Variants in DHCR7 observed in about 807,000 individuals in gnomAD.
DHCR7 encodes 7-DHC reductase.
DHCR7 carries 40 observed loss-of-function variants against 43.3 expected under a neutral mutation model. The observed-to-expected ratio is 0.92, with a 90% CI of 0.72 to 1.20. DHCR7 has a LOEUF of 1.20. DHCR7 is among the 50% of genes most tolerant of loss of function. DHCR7 has a pLI of 0.00. For missense variants in DHCR7, 608 were observed against 644.6 expected (o/e 0.94, Z 0.62); for synonymous variants, 298 against 271.4 (o/e 1.10, Z -0.96).
At position 71,434,454 on chromosome 11, in the gene DHCR7, G is replaced by A. The variant is rs1193526587; in HGVS notation, c.*921C>T. 4.6e-5 allele frequency: 7 copies of A among 151,810 alleles called. No individual in the cohort carries two copies. Among genetic ancestry groups the A allele is most frequent in the Admixed American group, 6.6e-5 (1 of 15,230 alleles). 9.4% of individuals were successfully genotyped at this position (151,810 alleles called of 1,614,324 possible). On this transcript the variant is annotated 3_prime_UTR_variant, in exon 9 of 9. Transcript: ENST00000355527. ...TTTAATATAAAGATGAACTCTACTCGGAGCATAGAGTTTAAAAAGAGTTCT... is the reference window on the plus strand; with the variant it reads ...TTTAATATAAAGATGAACTCTACTCAGAGCATAGAGTTTAAAAAGAGTTCT...
rs1266267194 is a variant in DHCR7 at position 71,438,727 on chromosome 11, G to A, written c.831+152C>T. 6 of 805,494 alleles carry A rather than the reference G, an allele frequency of 7.4e-6. No individual in the cohort carries two copies. The East Asian group carries it at 1.1e-4, about 14-fold the overall frequency. The allele number at this position is 805,494 out of a possible 1,614,324, so 49.9% of individuals were successfully genotyped here. On this transcript the variant is annotated intron_variant, in intron 7 of 8. Coordinates refer to ENST00000355527, the MANE Select transcript of DHCR7 (RefSeq NM_001360.3). ...CCAAGGATGGCTTCCTTCACCAAGT[G>A]CTCGCCGGCTGCTTCCTGGTGACAC...
chr11:71,438,607 T>C, intron 7 of DHCR7: 3 of 536,710 alleles, frequency 5.6e-6, no homozygotes, highest in Non-Finnish European at 1.0e-5. Flanking sequence ...CCCCAGATTC[T>C]ACCCAGGTGT....
chr11:71,429,760 G>T (rs1445810628), downstream of DHCR7, among the ~76,000 whole-genome samples: 2 of 152,156 alleles, frequency 1.3e-5, no homozygotes, highest in Non-Finnish European at 2.9e-5. Context: ...AGCCGTGGAG[G>T]TGTTTAAAGC....
chr11:71,443,327 G>C (rs1949367567), intron 4 of DHCR7, among the ~76,000 whole-genome samples: 1 of 152,192 alleles, frequency 6.6e-6, no homozygotes, highest in African/African-American at 2.4e-5. Flanking sequence ...GGACCCTGGG[G>C]AGAAACAGCT....
rs777617141 is a variant in DHCR7, at chr11:71,438,932, G to A, written c.778C>T (p.Arg260Trp). The change falls in exon 7 of 9, where the codon CGG (arginine) becomes TGG (tryptophan). Residue 260 changes from arginine to tryptophan, a missense_variant. Transcript: ENST00000355527. The part of the protein sequence containing the change: ...LINLSFAAKQ[R>W]ELHSHVTNAM... ...TTGGTCACATGGCTGTGGAGCTCCC[G>A]CTGCTTCGCTGCGAAGGACAGGTTG... is the stretch of plus-strand genomic sequence containing the variant. 12 of 1,613,992 alleles carry A rather than the reference G, an allele frequency of 7.4e-6. No individual in the cohort carries two copies. The highest frequency in any genetic ancestry group is 5.0e-5 in the Admixed American group (3 of 60,036).
At position 71,442,355 on chromosome 11, in the gene DHCR7, T is replaced by C. The variant is rs1555146618; in HGVS notation, c.322-2A>G. The C allele has an allele frequency of 6.2e-7, 1 of 1,612,894 alleles. No individual in the cohort carries two copies. Among genetic ancestry groups the C allele is most frequent in the South Asian group, 1.1e-5 (1 of 90,870 alleles). On this transcript the variant is annotated splice_acceptor_variant, in intron 4 of 8. Coordinates refer to ENST00000355527, the MANE Select transcript of DHCR7 (RefSeq NM_001360.3). LOFTEE classifies it high-confidence loss of function. ...AGGGAGAGACGTGTACAGAAGCACCTGAAACACACAAGCAGCCTGATCACC... is the reference window on the plus strand; with the variant it reads ...AGGGAGAGACGTGTACAGAAGCACCCGAAACACACAAGCAGCCTGATCACC...
chr11:71,433,768 C>T (rs532771516), downstream of DHCR7, among the ~76,000 whole-genome samples: 8 of 152,320 alleles, frequency 5.3e-5, no homozygotes, highest in African/African-American at 4.8e-5. Flanking sequence ...GGGTCCACTC[C>T]GCTCAGAGCC....
At chr11:71,447,360 G>A (rs1362084848) in intron 2 of DHCR7, among the ~76,000 whole-genome samples, 1 of 152,246 alleles carries the variant, frequency 6.6e-6, no homozygotes, top group Non-Finnish European at 1.5e-5. Flanking sequence ...GCTTATTACA[G>A]AGTTCATTCA....
intron 6 of DHCR7, among the ~76,000 whole-genome samples, chr11:71,439,599 T>G (rs1186420599): frequency 6.6e-6 from 1 of 152,190 alleles, no homozygotes; most frequent in Non-Finnish European, 1.5e-5. Context: ...TTCCAGCATG[T>G]GCAGGACAAG....
chr11:71,437,823 A>G lies in DHCR7; in HGVS notation c.952T>C (p.Tyr318His), dbSNP rs1177326550. The G allele has an allele frequency of 6.2e-7, 1 of 1,613,922 alleles. No individual in the cohort carries two copies. The highest frequency in any genetic ancestry group is 8.5e-7 in the Non-Finnish European group (1 of 1,180,006). Residue 318 changes from tyrosine to histidine, a missense_variant, in exon 8 of 9, where the codon TAC becomes CAC. By Grantham distance (83) the Tyr-to-His change is moderately conservative. Coordinates refer to ENST00000355527, the MANE Select transcript of DHCR7 (RefSeq NM_001360.3). ...GCCCACCTCCTCACCTGCAGCGTGT[A>G]AAGATAAGGCAGCCAGACACAGTCG... ...WGDCVWLPYL[Y>H]TLQGLYLVYH... is the part of the protein sequence containing the mutation.
intron 7 of DHCR7, among the ~76,000 whole-genome samples, chr11:71,438,177 T>C (rs1949309193): frequency 6.6e-6 from 1 of 152,050 alleles, no homozygotes; most frequent in African/African-American, 2.4e-5. Flanking sequence ...CCCTGGCATC[T>C]CTCCCAGCCC....
At chr11:71,427,434 GA>G (rs35693668), downstream of DHCR7, among the ~76,000 whole-genome samples, 1 of 152,096 alleles carries the variant, frequency 6.6e-6, no homozygotes, top group Admixed American at 6.5e-5. Flanking sequence ...AAATGTTATT[GA>G]AAAATTGATA....
chr11:71,428,675 A>G (rs1949212742), exon 3 of DHCR7: 1 of 363,208 alleles, frequency 2.8e-6, no homozygotes, highest in Non-Finnish European at 5.4e-6. Flanking sequence ...TCCAAGGTAC[A>G]GAGGGCCGTG....
At position 71,439,683 on chromosome 11, in the gene DHCR7, C is replaced by A. The variant is rs537392720; in HGVS notation, c.627-600G>T. On this transcript the variant is annotated intron_variant, in intron 6 of 8. Coordinates refer to ENST00000355527, the MANE Select transcript of DHCR7 (RefSeq NM_001360.3). ...TCAGCCGAGATAACCCCTGTGGAGA[C>A]CCTGACTAGGTCTAGCTGGCTGAGG... Among the ~76,000 whole-genome samples the A allele has an allele frequency of 1.2e-4, 19 of 152,318 alleles. No individual in the cohort carries two copies. In the South Asian group the frequency reaches 2.5e-3, roughly 20 times the overall value.
At chr11:71,442,948 G>C (rs1040766430) in intron 4 of DHCR7, among the ~76,000 whole-genome samples, 1 of 152,148 alleles carries the variant, frequency 6.6e-6, no homozygotes, top group Non-Finnish European at 1.5e-5. Flanking sequence ...TCCAATCTCC[G>C]GTCACTCTGA....
chr11:71,441,283 G>C lies in DHCR7; in HGVS notation c.570C>G (p.Ala190=), dbSNP rs74909468. ...LLWCANILGY[A]VSTFAMVKGY... ...CCTTGACCATGGCGAAGGTGGAGAC[G>C]GCATAGCCAAGGATGTTGGCGCACC... Residue 190 remains alanine, a synonymous_variant, in exon 6 of 9, where the codon GCC becomes GCG. Coordinates refer to ENST00000355527, the MANE Select transcript of DHCR7 (RefSeq NM_001360.3). 6.2e-7 allele frequency: 1 copy of C among 1,614,208 alleles called. No individual in the cohort carries two copies. Among genetic ancestry groups the C allele is most frequent in the Non-Finnish European group, 8.5e-7 (1 of 1,180,040 alleles).
intron 8 of DHCR7, among the ~76,000 whole-genome samples, chr11:71,437,237 T>C (rs1949293256): frequency 6.6e-6 from 1 of 152,210 alleles, no homozygotes; most frequent in South Asian, 2.1e-4. Flanking sequence ...CACAGCCTCT[T>C]GGGGCAGGCC....
chr11:71,443,314 C>A (rs1405434781), intron 4 of DHCR7, among the ~76,000 whole-genome samples: 2 of 152,186 alleles, frequency 1.3e-5, no homozygotes, highest in Non-Finnish European at 2.9e-5. Context: ...AGCCCAGAAG[C>A]TTGGACCCTG....
intron 2 of DHCR7, among the ~76,000 whole-genome samples, chr11:71,446,745 A>G (rs1003840297): frequency 6.6e-6 from 1 of 152,248 alleles, no homozygotes; most frequent in Admixed American, 6.5e-5. Context: ...AATTTACACA[A>G]GTTAGTTTAT....
Sources: gnomAD v4.1 joint callset for allele counts (sites outside exome capture counted in the v4.1 genomes callset) on GRCh38, gnomAD v4.1.1 for gene constraint, MANE v1.5 for transcripts, NCBI Gene and HGNC (gene_info 2026-07-23, HGNC 2026-07-21) for gene names.